The following HEPACAM variants were observed in gnomAD, a reference collection of about 807,000 sequenced individuals.
HEPACAM encodes hepatic and glial cell adhesion molecule, also known as hepatocyte cell adhesion molecule.
Under a neutral mutation model 38.3 loss-of-function variants are expected in HEPACAM, and 18 were observed. The ratio of observed to expected loss-of-function variants is 0.47; its 90% CI spans 0.33 to 0.70. HEPACAM has a LOEUF of 0.70. HEPACAM is among the 30% of genes least tolerant of loss of function. The pLI is 0.03. For synonymous variants in HEPACAM, 216 were observed against 243.1 expected, an observed-to-expected ratio of 0.89 and a Z score of 1.04; for missense variants, 466 against 563.0, an observed-to-expected ratio of 0.83 and a Z score of 1.74.
chr11:124,922,301 G>T, intron 6 of HEPACAM, 87 bp downstream of exon 6: 1 of 1,346,790 alleles, frequency 7.4e-7, no homozygotes, highest in Non-Finnish European at 1.1e-6. Context: ...GCTATAAAGG[G>T]ATAGGAATAT....
At chr11:124,922,930 G>A in intron 4 of HEPACAM, 112 bp from the exon 5 acceptor site, 1 of 1,056,766 alleles carries the variant, frequency 9.5e-7, no homozygotes, top group Non-Finnish European at 1.5e-6. Context: ...GTGACAGGAA[G>A]ATGGGCTGGG....
rs1947181678 is a variant in HEPACAM at position 124,924,482 on chromosome 11, A to G, written c.427+246T>C. On this transcript the variant is annotated intron_variant, in intron 2 of 6. Transcript: ENST00000298251. The surrounding 1 kb of genome is among the most constrained non-coding windows in gnomAD (Gnocchi z 4.4). ...TAGGATAATGATATGAACTATCACC[A>G]GACTATTATAAGCATTAAATGAGTC... 2 of 572,826 alleles carry G rather than the reference A, an allele frequency of 3.5e-6. No homozygotes were observed. Among genetic ancestry groups the G allele is most frequent in the Non-Finnish European group, 3.1e-6 (1 of 318,880 alleles). 35.5% of individuals were successfully genotyped at this position (572,826 alleles called of 1,614,324 possible). A position where few individuals can be genotyped will look rare whatever the true frequency, so the allele number is the denominator to read the frequency against.
rs753481117 is a variant in HEPACAM at position 124,919,715 on chromosome 11, T to G, written c.*1423A>C. Reference sequence around the variant, plus strand: ...GGCAAACTAGAAATGTCAGTGCCTTTGGGGCTGAGACAAAACTTGACCTGG... The same window carrying G: ...GGCAAACTAGAAATGTCAGTGCCTTGGGGGCTGAGACAAAACTTGACCTGG... On this transcript the variant is annotated 3_prime_UTR_variant, in exon 7 of 7. Transcript: ENST00000298251. 7.9e-5 allele frequency: 127 copies of G among 1,607,254 alleles called. No homozygotes were observed. Among genetic ancestry groups the G allele is most frequent in the Non-Finnish European group, 1.1e-4 (124 of 1,176,756 alleles).
intron 1 of HEPACAM, among the ~76,000 whole-genome samples, chr11:124,926,335 T>C (rs1161183404): frequency 6.6e-6 from 1 of 152,246 alleles, no homozygotes; most frequent in East Asian, 1.9e-4. Context: ...TTGGGCCTTA[T>C]TATTGATACA....
In HEPACAM at chr11:124,920,743, A is replaced by C. The variant is rs1947120337; in HGVS notation, c.*395T>G. Reference sequence around the variant, plus strand: ...GCACTCAGGCATTTGTTCAGAGGGAAGGGTGGTGGGTGGGAAACAACACAG... The same window carrying C: ...GCACTCAGGCATTTGTTCAGAGGGACGGGTGGTGGGTGGGAAACAACACAG... On this transcript the variant is annotated 3_prime_UTR_variant, in exon 7 of 7. Coordinates refer to ENST00000298251, the MANE Select transcript of HEPACAM (RefSeq NM_152722.5). 1.6e-5 allele frequency: 16 copies of C among 1,030,946 alleles called. No individual in the cohort carries two copies. Among genetic ancestry groups the C allele is most frequent in the Non-Finnish European group, 1.9e-5 (16 of 861,330 alleles). The allele number at this position is 1,030,946 out of a possible 1,614,324, so 63.9% of individuals were successfully genotyped here.
Position 124,925,076 on chromosome 11 carries a change from A to G in HEPACAM, c.86-7T>C. On this transcript the variant is annotated splice_region_variant and splice_polypyrimidine_tract_variant and intron_variant, in intron 1 of 6. Transcript: ENST00000298251. Reference sequence around the variant, plus strand: ...TTCACCCCCTCCAGGGGGTCTGTGAACAGAGGCCCATGAGGAAGAGGGAAG... The same window carrying G: ...TTCACCCCCTCCAGGGGGTCTGTGAGCAGAGGCCCATGAGGAAGAGGGAAG... 6.3e-7 allele frequency: 1 copy of G among 1,575,142 alleles called. No homozygotes were observed. The highest frequency in any genetic ancestry group is 1.8e-5 in the Admixed American group (1 of 56,740).
chr11:124,935,950 A>G lies in HEPACAM; in HGVS notation c.57T>C (p.Pro19=), dbSNP rs1335599131. The G allele has an allele frequency of 3.7e-6, 6 of 1,613,870 alleles. No individual in the cohort carries two copies. The South Asian group carries it at 6.6e-5, about 18-fold the overall frequency. The change falls in exon 1 of 7, where the codon CCT becomes CCC. Residue 19 remains proline, a synonymous_variant. Coordinates refer to ENST00000298251, the MANE Select transcript of HEPACAM (RefSeq NM_152722.5). ...TCTGGATCAGAAGAAGGTAGACAAAAGGAGCAAGGCGCAGGGCCCTGGAGG... is the reference window on the plus strand; with the variant it reads ...TCTGGATCAGAAGAAGGTAGACAAAGGGAGCAAGGCGCAGGGCCCTGGAGG... ...SRASRALRLA[P]FVYLLLIQTD... is the part of the protein sequence containing the mutation.
chr11:124,920,678 C>CGGAAAAAAAAAAAA lies in HEPACAM; in HGVS notation c.*459_*460insTTTTTTTTTTTTCC. 1.7e-6 allele frequency: 1 copy of CGGAAAAAAAAAAAA among 573,138 alleles called. No individual in the cohort carries two copies. Among genetic ancestry groups the CGGAAAAAAAAAAAA allele is most frequent in the Non-Finnish European group, 2.0e-6 (1 of 510,476 alleles). The allele number at this position is 573,138 out of a possible 1,614,324, so 35.5% of individuals were successfully genotyped here. A position where few individuals can be genotyped will look rare whatever the true frequency, so the allele number is the denominator to read the frequency against. On this transcript the variant is annotated 3_prime_UTR_variant, in exon 7 of 7. Coordinates refer to ENST00000298251, the MANE Select transcript of HEPACAM (RefSeq NM_152722.5). ...AAGTGGCCTCTCTAATCTGAACTTGCAAAAAAAAAAAAAAAAAAAAAAAAA... is the reference window on the plus strand; with the variant it reads ...AAGTGGCCTCTCTAATCTGAACTTGCGGAAAAAAAAAAAAAAAAAAAAAAAAAAAAAAAAAAAAA...
chr11:124,928,553 C>A (rs1947245893), intron 1 of HEPACAM, among the ~76,000 whole-genome samples: 1 of 152,084 alleles, frequency 6.6e-6, no homozygotes, highest in African/African-American at 2.4e-5. Flanking sequence ...CTTGGGGCCC[C>A]AAAATCACTA....
chr11:124,920,994 A>G lies in HEPACAM; in HGVS notation c.*144T>C, dbSNP rs1432402287. 1.4e-6 allele frequency: 2 copies of G among 1,386,252 alleles called. No homozygotes were observed. The highest frequency in any genetic ancestry group is 1.9e-6 in the Non-Finnish European group (2 of 1,074,548). 85.9% of individuals were successfully genotyped at this position (1,386,252 alleles called of 1,614,324 possible). A position where few individuals can be genotyped will look rare whatever the true frequency, so the allele number is the denominator to read the frequency against. On this transcript the variant is annotated 3_prime_UTR_variant, in exon 7 of 7. Coordinates refer to ENST00000298251, the MANE Select transcript of HEPACAM (RefSeq NM_152722.5). ...CACCCGCCTCCGTCTGCGCATGCTC[A>G]TACACGTTCACACCCGAGACACCAG...
chr11:124,919,651 G>T lies in HEPACAM; in HGVS notation c.*1487C>A, dbSNP rs1415677241. ...GCCTGGGGAAGTGCCGAGGGACAGGGAGCTGAGACAGGCATGCTGTGGGGT... is the reference window on the plus strand; with the variant it reads ...GCCTGGGGAAGTGCCGAGGGACAGGTAGCTGAGACAGGCATGCTGTGGGGT... On this transcript the variant is annotated 3_prime_UTR_variant, in exon 7 of 7. Coordinates refer to ENST00000298251, the MANE Select transcript of HEPACAM (RefSeq NM_152722.5). 1 of 1,367,958 alleles carries T rather than the reference G, an allele frequency of 7.3e-7. No homozygotes were observed. Among genetic ancestry groups the T allele is most frequent in the Non-Finnish European group, 1.0e-6 (1 of 996,472 alleles). The allele number at this position is 1,367,958 out of a possible 1,614,324, so 84.7% of individuals were successfully genotyped here. A position where few individuals can be genotyped will look rare whatever the true frequency, so the allele number is the denominator to read the frequency against.
rs548419635 is a variant in HEPACAM at position 124,933,889 on chromosome 11, T to C, written c.85+2033A>G. 2.4e-4 allele frequency among the ~76,000 whole-genome samples: 37 copies of C among 152,316 alleles called. No homozygotes were observed. The South Asian group carries it at 7.7e-3, about 32-fold the overall frequency. ...CTAGTCCTTCTGTCTCTCTGGCTGT[T>C]CTCTCTTTGTCTCCTTAATGGGCAT... On this transcript the variant is annotated intron_variant, in intron 1 of 6. Transcript: ENST00000298251.
chr11:124,921,302 G>A lies in HEPACAM; in HGVS notation c.1087C>T (p.Arg363Cys). The A allele has an allele frequency of 7.7e-7, 1 of 1,302,048 alleles. No individual in the cohort carries two copies. 80.7% of individuals were successfully genotyped at this position (1,302,048 alleles called of 1,614,324 possible). ...LPIRSARRYP[R>C]SPARSPATGR... ...GTGGCTGGGGAGCGCGCTGGGGAGC[G>A]CGGGTAGCGGCGGGCAGAGCGGATG... is the stretch of plus-strand genomic sequence containing the variant. The change falls in exon 7 of 7, where the codon CGC (arginine) becomes TGC (cysteine). Residue 363 changes from arginine (R) to cysteine (C), a missense_variant. Arg to Cys is a radical substitution (Grantham distance 180, BLOSUM62 -3). Coordinates refer to ENST00000298251, the MANE Select transcript of HEPACAM (RefSeq NM_152722.5). The surrounding 1 kb of genome is among the most constrained non-coding windows in gnomAD (Gnocchi z 4.6).
At chr11:124,927,011 G>A (rs1343406553) in intron 1 of HEPACAM, among the ~76,000 whole-genome samples, 1 of 152,084 alleles carries the variant, frequency 6.6e-6, no homozygotes, top group Admixed American at 6.6e-5. Context: ...TGAGATTACA[G>A]GCGCCCGCCA....
chr11:124,927,545 T>C (rs967377703), intron 1 of HEPACAM, among the ~76,000 whole-genome samples: 1 of 150,184 alleles, frequency 6.7e-6, no homozygotes, highest in Non-Finnish European at 1.5e-5. Flanking sequence ...TTGTATTTTT[T>C]TGTAGAAACG....
At chr11:124,923,696 G>C in intron 3 of HEPACAM, 33 bp downstream of exon 3, 4 of 1,612,858 alleles carry the variant, frequency 2.5e-6, no homozygotes, top group Non-Finnish European at 3.4e-6. Context: ...TTGGGGCTTT[G>C]AGTACTAAAG....
In HEPACAM at chr11:124,923,396, G is replaced by C. The variant is rs757069509; in HGVS notation, c.747C>G (p.Gly249=). The C allele has an allele frequency of 7.4e-6, 12 of 1,613,214 alleles. No individual in the cohort carries two copies. In the South Asian group the frequency reaches 1.3e-4, roughly 18 times the overall value. The change falls in exon 4 of 7, where the codon GGC becomes GGG. Residue 249 remains glycine (G), a synonymous_variant. Transcript: ENST00000298251. ...SSLYIILSTG[G]IFLLVTLVTV... The stretch of plus-strand genomic sequence containing the variant: ...TCACCAAGGTCACAAGGAGGAAGAT[G>C]CCTCCTGTAGACAAGATGATGTAAA...
intron 1 of HEPACAM, among the ~76,000 whole-genome samples, chr11:124,933,044 G>T (rs1430657666): frequency 6.6e-6 from 1 of 152,152 alleles, no homozygotes; most frequent in African/African-American, 2.4e-5. Flanking sequence ...ATATATTAGG[G>T]ATGGCAGGGA....
In HEPACAM at chr11:124,921,426, G is replaced by T. The variant is rs986357863; in HGVS notation, c.963C>A (p.Thr321=). ...GAGGCTCCGGGGCCGGGTTCTCCTC[G>T]GTCTCCGGGGAGTCCTGCAAGGACA... ...YILKDKDSPE[T]EENPAPEPRS... is the part of the protein sequence containing the mutation. Residue 321 remains threonine (T), a synonymous_variant, in exon 7 of 7, where the codon ACC becomes ACA. Coordinates refer to ENST00000298251, the MANE Select transcript of HEPACAM (RefSeq NM_152722.5). This position sits in a 1 kb window ranked among gnomAD's most constrained non-coding sequence, Gnocchi z 4.6. 4 of 1,269,254 alleles carry T rather than the reference G, an allele frequency of 3.2e-6. No homozygotes were observed. Among genetic ancestry groups the T allele is most frequent in the Non-Finnish European group, 4.0e-6 (4 of 1,010,438 alleles). 78.6% of individuals were successfully genotyped at this position (1,269,254 alleles called of 1,614,324 possible). A position where few individuals can be genotyped will look rare whatever the true frequency, so the allele number is the denominator to read the frequency against.
Sources: allele counts gnomAD v4.1 joint callset (sites outside exome capture counted in the v4.1 genomes callset), GRCh38; gene constraint gnomAD v4.1.1; non-coding constraint Gnocchi (gnomAD v3.1); transcripts MANE v1.5; gene names NCBI Gene and HGNC (gene_info 2026-07-23, HGNC 2026-07-21).